Variants in ERICH1 observed in about 807,000 individuals in gnomAD.
ERICH1 encodes the protein glutamate rich 1.
A neutral mutation model predicts 39.6 loss-of-function variants in ERICH1; 56 were observed. That is an observed-to-expected ratio of 1.41 (90% confidence interval 1.14 to 1.77). ERICH1 has a LOEUF of 1.77. Ranked by LOEUF, ERICH1 falls within the 40% of genes most tolerant of loss-of-function variation. The pLI, the probability that ERICH1 is intolerant of heterozygous loss-of-function variation, is 0.00. For missense variants in ERICH1, 826 were observed against 575.4 expected (o/e 1.44, Z -4.45); for synonymous variants, 313 against 223.6 (o/e 1.40, Z -3.57).
Position 633,797 on chromosome 8 carries a change from G to GCC in ERICH1, c.977-18515_977-18514dup, listed in dbSNP as rs1382775442. Reference sequence around the variant, plus strand: ...CAGGACTCCTCAATGGGAAAAGACAGCCGCTTCCACCGATGGTGCTGGGAA... The same window carrying GCC: ...CAGGACTCCTCAATGGGAAAAGACAGCCCCGCTTCCACCGATGGTGCTGGGAA... On this transcript the variant is annotated intron_variant, in intron 3 of 3. Transcript: ENST00000522706. Among the ~76,000 whole-genome samples, 2 of 152,246 alleles carry GCC rather than the reference G, an allele frequency of 1.3e-5. 1 individual carries two copies. Among genetic ancestry groups the GCC allele is most frequent in the Non-Finnish European group, 2.9e-5 (2 of 68,050 alleles).
intron 1 of ERICH1, among the ~76,000 whole-genome samples, chr8:717,435 T>C (rs536961530): frequency 6.6e-6 from 1 of 152,152 alleles, no homozygotes; most frequent in African/African-American, 2.4e-5. Context: ...GTCTGTGAAA[T>C]GCTTTTAAAA....
chr8:692,540 C>T lies in ERICH1; in HGVS notation c.242G>A (p.Cys81Tyr). ...ASGPPEGYVPCWPEPSSCGSP... is the reference protein window; with the variant it reads ...ASGPPEGYVPYWPEPSSCGSP... Reference sequence around the variant, plus strand: ...CCCACAGCTGCTGGGCTCCGGCCAACAGGGGACGTAGCCCTCAGGAGGCCC... The same window carrying T: ...CCCACAGCTGCTGGGCTCCGGCCAATAGGGGACGTAGCCCTCAGGAGGCCC... Residue 81 changes from cysteine to tyrosine, a missense_variant, in exon 3 of 6, where the codon TGT (cysteine) becomes TAT (tyrosine). Physicochemically the swap from Cys to Tyr is radical, Grantham distance 194. Coordinates refer to ENST00000262109, the MANE Select transcript of ERICH1 (RefSeq NM_207332.3). 6.2e-7 allele frequency: 1 copy of T among 1,613,984 alleles called. No individual in the cohort carries two copies. The highest frequency in any genetic ancestry group is 8.5e-7 in the Non-Finnish European group (1 of 1,179,964).
At chr8:719,675 G>A (rs1249136682) in intron 1 of ERICH1, among the ~76,000 whole-genome samples, 3 of 152,204 alleles carry the variant, frequency 2.0e-5, no homozygotes, top group Non-Finnish European at 2.9e-5. Flanking sequence ...CTCCTCAGTG[G>A]CTTTCCTTCC....
chr8:702,930 G>A (rs1032417857), intron 2 of ERICH1, among the ~76,000 whole-genome samples: 1 of 152,230 alleles, frequency 6.6e-6, no homozygotes, highest in Non-Finnish European at 1.5e-5. Flanking sequence ...TACCCCGCAC[G>A]CCTGGGGTTA....
intron 2 of ERICH1, among the ~76,000 whole-genome samples, chr8:695,283 T>C (rs932294520): frequency 3.9e-5 from 6 of 152,148 alleles, no homozygotes; most frequent in Admixed American, 6.5e-5. Flanking sequence ...TCTCCCACCA[T>C]CTTTCAAAGC....
intron 3 of ERICH1, among the ~76,000 whole-genome samples, chr8:681,252 T>G (rs916421734): frequency 5.9e-5 from 9 of 152,178 alleles, no homozygotes; most frequent in Non-Finnish European, 1.2e-4. Context: ...TCATGGTGGC[T>G]ACTCCATCCC....
rs565457775 is a variant in ERICH1, at chr8:691,254, G to A, written c.304+1224C>T. Among the ~76,000 whole-genome samples, 4 of 152,282 alleles carry A rather than the reference G, an allele frequency of 2.6e-5. No individual in the cohort carries two copies. In the South Asian group the frequency reaches 6.2e-4, roughly 24 times the overall value. ...TGACTCCTCAAGGGCTCCTGGACAC[G>A]TGTCCTCAAGAAGCAGCTTGTGAAG... is the stretch of plus-strand genomic sequence containing the variant. On this transcript the variant is annotated intron_variant, in intron 3 of 5. Transcript: ENST00000262109.
At chr8:678,226 G>T (rs1032114518) in intron 3 of ERICH1, among the ~76,000 whole-genome samples, 1 of 152,070 alleles carries the variant, frequency 6.6e-6, no homozygotes, top group East Asian at 1.9e-4. Flanking sequence ...CTAAGTATAG[G>T]CTGCTTTTTT....
chr8:690,080 C>G (rs1203795976), intron 3 of ERICH1, among the ~76,000 whole-genome samples: 1 of 152,160 alleles, frequency 6.6e-6, no homozygotes, highest in Admixed American at 6.5e-5. Flanking sequence ...AAGACGCAAC[C>G]CCACGTCAAC....
intron 3 of ERICH1, among the ~76,000 whole-genome samples, chr8:687,617 G>C (rs570216291): frequency 6.6e-6 from 1 of 152,188 alleles, no homozygotes; most frequent in African/African-American, 2.4e-5. Context: ...GGTCCCTGTG[G>C]AGCGCAGCAG....
At chr8:669,045 CTCTG>C (rs1409396196) in intron 4 of ERICH1, 1 of 447,832 alleles carries the variant, frequency 2.2e-6, no homozygotes, top group African/African-American at 2.5e-5. Flanking sequence ...CCATCTACAC[CTCTG>C]TCTGGTGAGA....
In ERICH1 at chr8:646,711, C is replaced by G. The variant is rs1799499190; in HGVS notation, c.976+21887G>C. ...AGGTGCATCAGAGCCCCGGCTTGCC[C>G]CAGCCTCCCCTGCACCTGCACTTGC... On this transcript the variant is annotated intron_variant, in intron 3 of 3. Transcript: ENST00000522706. Among the ~76,000 whole-genome samples, 3 of 68,694 alleles carry G rather than the reference C, an allele frequency of 4.4e-5. 1 individual carries two copies. The highest frequency in any genetic ancestry group is 1.1e-4 in the African/African-American group (3 of 27,322). 45.1% of individuals were successfully genotyped at this position (68,694 alleles called of 152,430 possible).
intron 3 of ERICH1, among the ~76,000 whole-genome samples, chr8:680,584 G>T (rs1365087178): frequency 6.8e-6 from 1 of 146,450 alleles, no homozygotes; most frequent in Non-Finnish European, 1.5e-5. Context: ...CGAAAACACG[G>T]AAAGTCCAAG....
At chr8:731,091 G>C in intron 1 of ERICH1, 49 bp downstream of exon 1, 1 of 1,417,278 alleles carries the variant, frequency 7.1e-7, no homozygotes, top group Non-Finnish European at 9.2e-7. Context: ...GGTCTGAGCC[G>C]AGAGCCGGGT....
downstream of ERICH1, among the ~76,000 whole-genome samples, chr8:662,622 T>A (rs1005331370): frequency 6.6e-6 from 1 of 152,118 alleles, no homozygotes; most frequent in Non-Finnish European, 1.5e-5. Flanking sequence ...CACTCCAGCG[T>A]GGGCAACAAA....
chr8:643,080 C>T (rs1174728202), intron 3 of ERICH1, among the ~76,000 whole-genome samples: 3 of 151,888 alleles, frequency 2.0e-5, no homozygotes, highest in Non-Finnish European at 2.9e-5. Flanking sequence ...CTCACGGCCC[C>T]AGGACATCGG....
At position 671,132 on chromosome 8, in the gene ERICH1, C is replaced by T. The variant is rs1032859902; in HGVS notation, c.1063+2157G>A. 5.3e-5 allele frequency among the ~76,000 whole-genome samples: 8 copies of T among 151,282 alleles called. No individual in the cohort carries two copies. In the East Asian group the frequency reaches 5.9e-4, roughly 11 times the overall value. On this transcript the variant is annotated intron_variant, in intron 4 of 5. Transcript: ENST00000262109. ...TGGTCCCCAGGCTCCGACCTCTGAA[C>T]GTGCCAGCCCCGGTTCTAATGTCTG...
intron 3 of ERICH1, among the ~76,000 whole-genome samples, chr8:631,712 G>C (rs946662358): frequency 6.6e-6 from 1 of 152,096 alleles, no homozygotes; most frequent in Non-Finnish European, 1.5e-5. Flanking sequence ...GGCACTGAGC[G>C]CTTCACACTG....
At chr8:630,199 C>CCACACGGA (rs1175943422) in intron 3 of ERICH1, among the ~76,000 whole-genome samples, 2 of 105,844 alleles carry the variant, frequency 1.9e-5, no homozygotes, top group Non-Finnish European at 3.8e-5. Context: ...CCGTGACCAC[C>CCACACGGA]CAGAGCTGAC....
Sources: allele counts gnomAD v4.1 joint callset (sites outside exome capture counted in the v4.1 genomes callset), GRCh38; gene constraint gnomAD v4.1.1; transcripts MANE v1.5; gene names NCBI Gene and HGNC (gene_info 2026-07-23, HGNC 2026-07-21).